LRRC4C: variants seen among roughly 807,000 people sequenced by gnomAD.
LRRC4C encodes the protein leucine rich repeat containing 4C, also known as leucine-rich repeat-containing protein 4C.
LRRC4C carries 5 observed loss-of-function variants against 33.6 expected under a neutral mutation model. The ratio of observed to expected loss-of-function variants is 0.15; its 90% CI spans 0.08 to 0.31. The LOEUF is 0.31. Ranked by LOEUF, LRRC4C falls within the 10% of genes least tolerant of loss-of-function variation. The pLI, the probability that LRRC4C is intolerant of heterozygous loss-of-function variation, is 1.00. For synonymous variants in LRRC4C, 329 were observed against 302.0 expected (o/e 1.09, Z -0.93); for missense variants, 560 against 796.7 (o/e 0.70, Z 3.58).
At chr11:40,162,573 C>T (rs1036943601) in intron 5 of LRRC4C, among the ~76,000 whole-genome samples, 1 of 152,074 alleles carries the variant, frequency 6.6e-6, no homozygotes, top group African/African-American at 2.4e-5. Flanking sequence ...CTCCACCTCC[C>T]CGTTAGATGG....
At chr11:40,858,549 G>A (rs546280097) in intron 2 of LRRC4C, among the ~76,000 whole-genome samples, 20 of 151,878 alleles carry the variant, frequency 1.3e-4, no homozygotes, top group African/African-American at 4.6e-4. Flanking sequence ...ACAAACATTA[G>A]CTGGGCATGG....
intron 4 of LRRC4C, among the ~76,000 whole-genome samples, chr11:40,310,387 C>G (rs1272389374): frequency 6.6e-6 from 1 of 152,160 alleles, no homozygotes; most frequent in African/African-American, 2.4e-5. Flanking sequence ...CTAACAGACT[C>G]TGATGCCCTT....
intron 5 of LRRC4C, among the ~76,000 whole-genome samples, chr11:40,144,516 G>A (rs921860911): frequency 6.6e-6 from 1 of 152,106 alleles, no homozygotes; most frequent in African/African-American, 2.4e-5. Context: ...CTTTTACATA[G>A]CACTTTGTTG....
chr11:40,431,219 G>C (rs1208084864), intron 3 of LRRC4C, among the ~76,000 whole-genome samples: 1 of 150,882 alleles, frequency 6.6e-6, no homozygotes, highest in African/African-American at 2.4e-5. Flanking sequence ...ACGAGGTCAG[G>C]AGTTCAAGAC....
intron 2 of LRRC4C, among the ~76,000 whole-genome samples, chr11:40,830,124 T>C (rs1289200487): frequency 6.6e-6 from 1 of 151,974 alleles, no homozygotes; most frequent in Non-Finnish European, 1.5e-5. Flanking sequence ...TTAAGATCTA[T>C]GATGTGACCA....
chr11:40,417,665 T>C (rs971184963), intron 3 of LRRC4C, among the ~76,000 whole-genome samples: 3 of 152,066 alleles, frequency 2.0e-5, no homozygotes, highest in African/African-American at 7.2e-5. Flanking sequence ...ACATGTAATT[T>C]CAAAGCACCA....
chr11:40,500,000 C>T (rs561175362), intron 3 of LRRC4C, among the ~76,000 whole-genome samples: 1 of 152,110 alleles, frequency 6.6e-6, no homozygotes. Context: ...GTTCCTGTCC[C>T]AGCTTCCCAG....
intron 3 of LRRC4C, among the ~76,000 whole-genome samples, chr11:40,460,441 T>C (rs1052289838): frequency 5.3e-5 from 8 of 152,144 alleles, no homozygotes; most frequent in Admixed American, 2.0e-4. Context: ...AAGAGGACTT[T>C]GGTGAAATCT....
chr11:40,868,107 T>C (rs1277199334), intron 2 of LRRC4C, among the ~76,000 whole-genome samples: 1 of 152,174 alleles, frequency 6.6e-6, no homozygotes, highest in African/African-American at 2.4e-5. Context: ...GAGGCTTTTC[T>C]TGAGAGCATT....
chr11:41,257,459 G>A (rs1948837466), intron 1 of LRRC4C, among the ~76,000 whole-genome samples: 1 of 151,984 alleles, frequency 6.6e-6, no homozygotes. Flanking sequence ...CTAGCTGTTG[G>A]GAAGCCATGA....
In LRRC4C at chr11:40,672,192, T is replaced by C. The variant is rs926080991; in HGVS notation, c.-406-23914A>G. Among the ~76,000 whole-genome samples the C allele has an allele frequency of 3.3e-5, 5 of 152,142 alleles. 1 individual carries two copies. Among genetic ancestry groups the C allele is most frequent in the Non-Finnish European group, 7.4e-5 (5 of 68,022 alleles). On this transcript the variant is annotated intron_variant, in intron 2 of 6. Transcript: ENST00000528697. ...GATTTGGTTCCTGGTAAGGGCCAGATTTCTAGGTGTGTTTCATAGATGATG... is the reference window on the plus strand; with the variant it reads ...GATTTGGTTCCTGGTAAGGGCCAGACTTCTAGGTGTGTTTCATAGATGATG...
intron 1 of LRRC4C, among the ~76,000 whole-genome samples, chr11:41,209,881 G>T (rs1342473816): frequency 6.6e-6 from 1 of 152,004 alleles, no homozygotes; most frequent in African/African-American, 2.4e-5. Flanking sequence ...TTTAAAAGGG[G>T]GTAATTAAGG....
At chr11:40,218,104 T>C (rs913822542) in intron 5 of LRRC4C, among the ~76,000 whole-genome samples, 1 of 152,184 alleles carries the variant, frequency 6.6e-6, no homozygotes, top group Non-Finnish European at 1.5e-5. Flanking sequence ...AAATTCAAGA[T>C]AGATCTGAAT....
intron 1 of LRRC4C, among the ~76,000 whole-genome samples, chr11:41,019,237 T>G (rs1304996099): frequency 6.6e-6 from 1 of 152,136 alleles, no homozygotes; most frequent in Non-Finnish European, 1.5e-5. Flanking sequence ...GTCCTCAATG[T>G]TCAACTCTCA....
At chr11:40,635,966 A>G (rs913324963) in intron 3 of LRRC4C, among the ~76,000 whole-genome samples, 3 of 152,012 alleles carry the variant, frequency 2.0e-5, no homozygotes, top group Admixed American at 2.0e-4. Flanking sequence ...ATAGGCAGAA[A>G]TAGGGAAAAA....
chr11:41,038,161 C>A (rs374583000), intron 1 of LRRC4C, among the ~76,000 whole-genome samples: 4 of 152,272 alleles, frequency 2.6e-5, no homozygotes, highest in African/African-American at 9.6e-5. Flanking sequence ...TCAGGTGCGC[C>A]TCTGGACATA....
At chr11:41,023,748 T>G (rs905763427) in intron 1 of LRRC4C, among the ~76,000 whole-genome samples, 5 of 151,838 alleles carry the variant, frequency 3.3e-5, no homozygotes, top group Non-Finnish European at 7.4e-5. Flanking sequence ...TAACATAGGA[T>G]TGAGACAAAA....
intron 2 of LRRC4C, among the ~76,000 whole-genome samples, chr11:40,690,900 A>G (rs2136399585): frequency 6.6e-6 from 1 of 152,040 alleles, no homozygotes; most frequent in South Asian, 2.1e-4. Context: ...AGAAGAAAGG[A>G]CTCCAGAAGG....
intron 2 of LRRC4C, among the ~76,000 whole-genome samples, chr11:40,896,706 G>A (rs1955957547): frequency 6.6e-6 from 1 of 151,632 alleles, no homozygotes; most frequent in African/African-American, 2.4e-5. Flanking sequence ...TATTAATACA[G>A]CTAACCAAGA....
Sources: allele counts gnomAD v4.1 joint callset (sites outside exome capture counted in the v4.1 genomes callset), GRCh38; gene constraint gnomAD v4.1.1; transcripts MANE v1.5; gene names NCBI Gene and HGNC (gene_info 2026-07-23, HGNC 2026-07-21).